FOXO3: variants seen among roughly 807,000 people sequenced by gnomAD.
FOXO3 encodes the protein forkhead box protein O3.
In FOXO3, 4 loss-of-function variants were observed where a neutral mutation model predicts 41.9. The ratio of observed to expected loss-of-function variants is 0.10; its 90% CI spans 0.05 to 0.22. The LOEUF (loss-of-function observed/expected upper bound fraction) is 0.22, where lower values mean the gene tolerates loss of function less well. FOXO3 is among the 10% of genes least tolerant of loss of function. The probability of loss-of-function intolerance (pLI) is 1.00; values close to 1 mark genes in which losing one functional copy is unlikely to be tolerated. For synonymous variants in FOXO3, 318 were observed against 389.3 expected, an observed-to-expected ratio of 0.82 and a Z score of 2.16; for missense variants, 534 against 906.8, an observed-to-expected ratio of 0.59 and a Z score of 5.28.
chr6:108,639,005 GT>G (rs1354304355), intron 1 of FOXO3, among the ~76,000 whole-genome samples: 3 of 152,148 alleles, frequency 2.0e-5, no homozygotes, highest in African/African-American at 7.2e-5. Context: ...TGTCAGCACT[GT>G]CTAGATGGCC....
chr6:108,618,569 T>C (rs1369043488), intron 1 of FOXO3, among the ~76,000 whole-genome samples: 1 of 152,270 alleles, frequency 6.6e-6, no homozygotes, highest in Non-Finnish European at 1.5e-5. Flanking sequence ...TTAGGAATGA[T>C]GTAGCCCGAG....
At chr6:108,585,169 G>A (rs1472104248) in intron 1 of FOXO3, among the ~76,000 whole-genome samples, 2 of 151,468 alleles carry the variant, frequency 1.3e-5, no homozygotes, top group Non-Finnish European at 2.9e-5. Context: ...AGCCTCCCGA[G>A]TAGCTGGGAC....
At chr6:108,621,239 G>A (rs1418297691) in intron 1 of FOXO3, among the ~76,000 whole-genome samples, 1 of 152,138 alleles carries the variant, frequency 6.6e-6, no homozygotes, top group African/African-American at 2.4e-5. Flanking sequence ...GCAGAGCTAG[G>A]AGTGCCCACG....
chr6:108,656,065 G>C (rs1778676959), intron 1 of FOXO3, among the ~76,000 whole-genome samples: 1 of 151,432 alleles, frequency 6.6e-6, no homozygotes, highest in South Asian at 2.1e-4. Context: ...AGTGGGCCTG[G>C]CTTTGGAGTT....
At position 108,669,834 on chromosome 6, in the gene FOXO3, G is replaced by T. The variant is rs145932584; in HGVS notation, c.*34+4945G>T. Reference sequence around the variant, plus strand: ...TTTTCACCTCTGGCCAGCCTGCTAAGCATGGAGACAGAGCCTGAGTGGCTC... The same window carrying T: ...TTTTCACCTCTGGCCAGCCTGCTAATCATGGAGACAGAGCCTGAGTGGCTC... On this transcript the variant is annotated intron_variant, in intron 2 of 2. Transcript: ENST00000406360. Among the ~76,000 whole-genome samples, 89 of 152,312 alleles carry T rather than the reference G, an allele frequency of 5.8e-4. 1 individual carries two copies. Among genetic ancestry groups the T allele is most frequent in the Middle Eastern group, 6.8e-3 (2 of 294 alleles).
At chr6:108,619,796 T>C (rs1037395788) in intron 1 of FOXO3, among the ~76,000 whole-genome samples, 1 of 152,210 alleles carries the variant, frequency 6.6e-6, no homozygotes, top group Non-Finnish European at 1.5e-5. Context: ...AAGCATATGT[T>C]GTATTGGTGT....
At position 108,561,260 on chromosome 6, in the gene FOXO3, C is replaced by T; in HGVS notation, c.52C>T (p.Leu18=). The T allele has an allele frequency of 6.4e-7, 1 of 1,565,312 alleles. No homozygotes were observed. The highest frequency in any genetic ancestry group is 8.6e-7 in the Non-Finnish European group (1 of 1,157,886). Residue 18 remains leucine (L), a synonymous_variant, in exon 1 of 3, where the codon CTG becomes TTG. Transcript: ENST00000406360. The stretch of plus-strand genomic sequence containing the variant: ...CCCGCTCTCTCCGCTCGAAGTGGAG[C>T]TGGACCCGGAGTTCGAGCCCCAGAG... ...PAPLSPLEVE[L]DPEFEPQSRP...
chr6:108,677,694 T>C (rs1352860194), intron 2 of FOXO3, among the ~76,000 whole-genome samples: 2 of 152,150 alleles, frequency 1.3e-5, no homozygotes, highest in Non-Finnish European at 2.9e-5. Context: ...TTAAGTGTTA[T>C]TGTGAGGGGA....
chr6:108,608,086 G>A (rs1233495223), intron 1 of FOXO3, among the ~76,000 whole-genome samples: 1 of 152,162 alleles, frequency 6.6e-6, no homozygotes, highest in Non-Finnish European at 1.5e-5. Flanking sequence ...TGAAAGACAG[G>A]TGGAAATTCT....
At chr6:108,674,245 A>G (rs1212622566) in intron 2 of FOXO3, among the ~76,000 whole-genome samples, 1 of 152,182 alleles carries the variant, frequency 6.6e-6, no homozygotes, top group Admixed American at 6.5e-5. Flanking sequence ...CAATGAAAGG[A>G]TGCTGAGTGT....
At chr6:108,595,762 T>G (rs1219834887) in intron 1 of FOXO3, among the ~76,000 whole-genome samples, 3 of 152,122 alleles carry the variant, frequency 2.0e-5, no homozygotes, top group Non-Finnish European at 4.4e-5. Context: ...CTAAGGGAGT[T>G]TTTTTGCACA....
At chr6:108,633,087 C>G (rs1778019495) in intron 1 of FOXO3, among the ~76,000 whole-genome samples, 1 of 152,058 alleles carries the variant, frequency 6.6e-6, no homozygotes, top group Admixed American at 6.5e-5. Flanking sequence ...ATTCAAAATA[C>G]AAAAACTCTA....
intron 1 of FOXO3, among the ~76,000 whole-genome samples, chr6:108,563,392 T>C (rs1775869297): frequency 6.6e-6 from 1 of 152,246 alleles, no homozygotes; most frequent in Non-Finnish European, 1.5e-5. Flanking sequence ...ATGCCAGGTG[T>C]ATGATACGAG....
chr6:108,677,955 G>A (rs1463300444), intron 2 of FOXO3, among the ~76,000 whole-genome samples: 1 of 152,002 alleles, frequency 6.6e-6, no homozygotes, highest in Non-Finnish European at 1.5e-5. Context: ...CATCAGCCAG[G>A]GAAACTAAAA....
intron 1 of FOXO3, among the ~76,000 whole-genome samples, chr6:108,633,471 A>G (rs1402276283): frequency 3.9e-5 from 6 of 152,188 alleles, no homozygotes; most frequent in African/African-American, 7.2e-5. Flanking sequence ...CTACTGAGTA[A>G]AATTCTGGGT....
At chr6:108,632,611 CAGTG>C (rs57188250) in intron 1 of FOXO3, among the ~76,000 whole-genome samples, 1,812 of 152,220 alleles carry the variant, frequency 0.012, 50 homozygotes, top group African/African-American at 0.042. Flanking sequence ...CATATTTAGA[CAGTG>C]AGACATACCA....
intron 1 of FOXO3, among the ~76,000 whole-genome samples, chr6:108,568,995 T>C (rs142102749): frequency 5.3e-4 from 80 of 152,350 alleles, no homozygotes; most frequent in African/African-American, 1.9e-3. Context: ...ATCATCAACA[T>C]GCAGTGTCGA....
chr6:108,571,413 T>G (rs568515537), intron 1 of FOXO3, among the ~76,000 whole-genome samples: 52 of 152,312 alleles, frequency 3.4e-4, no homozygotes, highest in Admixed American at 2.4e-3. Flanking sequence ...CTAAAATTCA[T>G]GTCTTCCTGG....
chr6:108,561,072 T>C lies in FOXO3; in HGVS notation c.-137T>C. 1 of 1,426,540 alleles carries C rather than the reference T, an allele frequency of 7.0e-7. No homozygotes were observed. The highest frequency in any genetic ancestry group is 9.1e-7 in the Non-Finnish European group (1 of 1,100,714). The allele number at this position is 1,426,540 out of a possible 1,614,324, so 88.4% of individuals were successfully genotyped here. A position where few individuals can be genotyped will look rare whatever the true frequency, so the allele number is the denominator to read the frequency against. Reference sequence around the variant, plus strand: ...TAACCAACTCTCCTTCTCTCTTCTTTGGTGCTTCCCCAGGCGGCGGCGGCG... The same window carrying C: ...TAACCAACTCTCCTTCTCTCTTCTTCGGTGCTTCCCCAGGCGGCGGCGGCG... On this transcript the variant is annotated 5_prime_UTR_variant, in exon 1 of 3. Transcript: ENST00000406360.
Sources: gnomAD v4.1 joint callset for allele counts (sites outside exome capture counted in the v4.1 genomes callset) on GRCh38, gnomAD v4.1.1 for gene constraint, MANE v1.5 for transcripts, NCBI Gene and HGNC (gene_info 2026-07-23, HGNC 2026-07-21) for gene names.